The following KIAA0825 variants were observed in gnomAD, a reference collection of about 807,000 sequenced individuals.
KIAA0825 encodes KIAA0825.
A neutral mutation model predicts 147.6 loss-of-function variants in KIAA0825; 119 were observed. That is an observed-to-expected ratio of 0.81 (90% confidence interval 0.69 to 0.94). The LOEUF (loss-of-function observed/expected upper bound fraction) is 0.94. Ranked by LOEUF, KIAA0825 falls within the 40% of genes least tolerant of loss-of-function variation. The pLI is 0.00. For synonymous variants in KIAA0825, 470 were observed against 518.1 expected (o/e 0.91, Z 1.26); for missense variants, 1,381 against 1,472.7 (o/e 0.94, Z 1.02).
At chr5:94,597,616 T>C (rs1219581566) in intron 1 of KIAA0825, among the ~76,000 whole-genome samples, 1 of 152,118 alleles carries the variant, frequency 6.6e-6, no homozygotes, top group East Asian at 1.9e-4. Context: ...GACAAACATA[T>C]CCCATTCTGT....
chr5:94,572,124 A>G (rs1201398113), intron 2 of KIAA0825, among the ~76,000 whole-genome samples: 1 of 151,780 alleles, frequency 6.6e-6, no homozygotes, highest in Non-Finnish European at 1.5e-5. Context: ...AGCCCCACAA[A>G]AAAACCAAGT....
chr5:94,601,893 G>A (rs1010567920), intron 1 of KIAA0825, among the ~76,000 whole-genome samples: 1 of 152,194 alleles, frequency 6.6e-6, no homozygotes, highest in Non-Finnish European at 1.5e-5. Flanking sequence ...ATGGGGTTAC[G>A]TAAAAAGATC....
At chr5:94,215,321 A>ACGTT (rs1773097510) in intron 20 of KIAA0825, among the ~76,000 whole-genome samples, 1 of 152,206 alleles carries the variant, frequency 6.6e-6, no homozygotes, top group African/African-American at 2.4e-5. Context: ...TCTGGCAGGT[A>ACGTT]CGTTGCACAT....
chr5:94,464,687 G>A (rs931354036), intron 11 of KIAA0825, among the ~76,000 whole-genome samples, 182 bp downstream of exon 11: 4 of 152,080 alleles, frequency 2.6e-5, no homozygotes, highest in African/African-American at 7.2e-5. Context: ...AAGAACAAAC[G>A]TATTTTGAAT....
chr5:94,528,417 T>A (rs993746584), intron 3 of KIAA0825, among the ~76,000 whole-genome samples: 9 of 152,216 alleles, frequency 5.9e-5, no homozygotes, highest in Non-Finnish European at 1.2e-4. Context: ...GGCTCTTCAA[T>A]GGTCCAGATG....
At chr5:94,189,369 C>G (rs1770454129) in intron 20 of KIAA0825, among the ~76,000 whole-genome samples, 1 of 152,036 alleles carries the variant, frequency 6.6e-6, no homozygotes, top group Admixed American at 6.6e-5. Context: ...GATTTTCTTT[C>G]CTATGTTTTC....
At chr5:94,356,891 AT>A (rs1224266045) in intron 20 of KIAA0825, among the ~76,000 whole-genome samples, 1 of 151,504 alleles carries the variant, frequency 6.6e-6, no homozygotes, top group Non-Finnish European at 1.5e-5. Flanking sequence ...CACCCAGCTA[AT>A]TTTTGTATTT....
intron 20 of KIAA0825, among the ~76,000 whole-genome samples, chr5:94,175,461 A>T (rs967835062): frequency 6.6e-6 from 1 of 152,158 alleles, no homozygotes; most frequent in Non-Finnish European, 1.5e-5. Flanking sequence ...GCATCAGAGA[A>T]AGTCAAGTAC....
At chr5:94,253,704 C>T (rs1242964668) in intron 20 of KIAA0825, among the ~76,000 whole-genome samples, 1 of 151,976 alleles carries the variant, frequency 6.6e-6, no homozygotes. Context: ...TGTTTGGTTC[C>T]GTGAAATAGC....
chr5:94,438,285 A>G (rs1034831676), intron 14 of KIAA0825, among the ~76,000 whole-genome samples: 1 of 152,208 alleles, frequency 6.6e-6, no homozygotes, highest in Non-Finnish European at 1.5e-5. Flanking sequence ...AATAGTATAT[A>G]TTTTATAAGA....
intron 2 of KIAA0825, among the ~76,000 whole-genome samples, chr5:94,538,862 A>T (rs1206311486): frequency 6.6e-6 from 1 of 152,212 alleles, no homozygotes; most frequent in Admixed American, 6.5e-5. Flanking sequence ...AAGCAAGCAC[A>T]TATCTGATGA....
In KIAA0825 at chr5:94,355,341, A is replaced by G. The variant is rs192062702; in HGVS notation, c.3710+29027T>C. Among the ~76,000 whole-genome samples, 319 of 152,344 alleles carry G rather than the reference A, an allele frequency of 2.1e-3. 1 individual carries two copies. Among genetic ancestry groups the G allele is most frequent in the Non-Finnish European group, 3.7e-3 (249 of 68,034 alleles). ...AGATGCAAATTTTCCCCCACAAAGG[A>G]CGGCTTTGCAGGACCTTTTCAAAAT... On this transcript the variant is annotated intron_variant, in intron 20 of 20. Coordinates refer to ENST00000682413, the MANE Select transcript of KIAA0825 (RefSeq NM_001145678.3).
chr5:94,302,291 C>T (rs1001180275), intron 20 of KIAA0825, among the ~76,000 whole-genome samples: 11 of 152,010 alleles, frequency 7.2e-5, no homozygotes, highest in African/African-American at 2.4e-4. Context: ...ATTCACAGCC[C>T]GCGTCACTCT....
At chr5:94,514,472 G>A (rs1766933635) in intron 5 of KIAA0825, among the ~76,000 whole-genome samples, 1 of 151,952 alleles carries the variant, frequency 6.6e-6, no homozygotes, top group Admixed American at 6.6e-5. Flanking sequence ...GAAAAATTGG[G>A]ATCTAAAAAA....
chr5:94,331,659 A>G (rs1781282000), intron 20 of KIAA0825, among the ~76,000 whole-genome samples: 1 of 152,190 alleles, frequency 6.6e-6, no homozygotes, highest in African/African-American at 2.4e-5. Context: ...ATCCTCAACA[A>G]AATATTAACA....
chr5:94,315,099 T>C (rs567371509), intron 20 of KIAA0825, among the ~76,000 whole-genome samples: 1 of 151,818 alleles, frequency 6.6e-6, no homozygotes, highest in African/African-American at 2.4e-5. Context: ...TGGATATGGT[T>C]CTCAGTTCTA....
chr5:94,379,514 A>C (rs1344207426), intron 20 of KIAA0825, among the ~76,000 whole-genome samples: 1 of 152,170 alleles, frequency 6.6e-6, no homozygotes, highest in Non-Finnish European at 1.5e-5. Context: ...CTTGTAATAT[A>C]ACTTGAAGTC....
At chr5:94,592,875 T>G (rs1584988480) in intron 1 of KIAA0825, 1 of 591,848 alleles carries the variant, frequency 1.7e-6, no homozygotes, top group Non-Finnish European at 3.2e-6. Flanking sequence ...TCATCAGTTG[T>G]GAACCACTCA....
At chr5:94,550,801 C>A (rs1326292475) in intron 2 of KIAA0825, among the ~76,000 whole-genome samples, 1 of 150,330 alleles carries the variant, frequency 6.7e-6, no homozygotes, top group East Asian at 2.0e-4. Context: ...CAGATCGCAC[C>A]ACTGCACTCC....
Sources: gnomAD v4.1 joint callset for allele counts (sites outside exome capture counted in the v4.1 genomes callset) on GRCh38, gnomAD v4.1.1 for gene constraint, MANE v1.5 for transcripts, NCBI Gene and HGNC (gene_info 2026-07-23, HGNC 2026-07-21) for gene names.